The following NEK1 variants were observed in gnomAD, a reference collection of about 807,000 sequenced individuals.
The protein encoded by NEK1 is serine/threonine-protein kinase Nek1.
Under a neutral mutation model 182.1 loss-of-function variants are expected in NEK1, and 137 were observed. That is an observed-to-expected ratio of 0.75 (90% CI 0.65 to 0.87). NEK1 has a LOEUF of 0.87. NEK1 is among the 40% of genes least tolerant of loss of function. NEK1 has a pLI of 0.00. For missense variants in NEK1, 1,391 were observed against 1,494.4 expected, an observed-to-expected ratio of 0.93 and a Z score of 1.14; for synonymous variants, 513 against 492.2, an observed-to-expected ratio of 1.04 and a Z score of -0.56.
intron 23 of NEK1, among the ~76,000 whole-genome samples, chr4:169,483,933 T>C (rs1748586324): frequency 6.6e-6 from 1 of 151,996 alleles, no homozygotes; most frequent in Admixed American, 6.6e-5. Flanking sequence ...CTAACAGTAT[T>C]ATCACCTTGA....
chr4:169,448,709 C>T (rs1463749182), intron 27 of NEK1, among the ~76,000 whole-genome samples: 1 of 152,198 alleles, frequency 6.6e-6, no homozygotes, highest in Admixed American at 6.5e-5. Context: ...GGAATAGGAA[C>T]AGCTCCAGTC....
chr4:169,436,297 C>G (rs534469006), intron 28 of NEK1, among the ~76,000 whole-genome samples: 1 of 152,302 alleles, frequency 6.6e-6, no homozygotes, highest in East Asian at 1.9e-4. Flanking sequence ...AAGCAAGGAG[C>G]TGATGTAAAA....
chr4:169,487,759 A>C (rs1418039642), intron 23 of NEK1, among the ~76,000 whole-genome samples: 1 of 152,212 alleles, frequency 6.6e-6, no homozygotes, highest in Non-Finnish European at 1.5e-5. Context: ...AAAATGGCTA[A>C]ACTAATTTAC....
chr4:169,595,639 C>T (rs1373900415), intron 5 of NEK1, among the ~76,000 whole-genome samples: 1 of 152,022 alleles, frequency 6.6e-6, no homozygotes, highest in Non-Finnish European at 1.5e-5. Context: ...ATATGTGGAA[C>T]CAGGCTGGGC....
intron 18 of NEK1, among the ~76,000 whole-genome samples, chr4:169,553,721 T>C (rs148365684): frequency 4.5e-4 from 69 of 152,308 alleles, no homozygotes; most frequent in African/African-American, 1.5e-3. Context: ...TCAAGAAAGA[T>C]ATACAGATGG....
chr4:169,439,729 T>C (rs1739074894), intron 27 of NEK1, among the ~76,000 whole-genome samples: 1 of 151,866 alleles, frequency 6.6e-6, no homozygotes, highest in African/African-American at 2.4e-5. Context: ...ATCTAATATC[T>C]CAAGGAAGAA....
intron 16 of NEK1, among the ~76,000 whole-genome samples, chr4:169,558,349 A>T (rs1762438317): frequency 6.6e-6 from 1 of 152,240 alleles, no homozygotes; most frequent in African/African-American, 2.4e-5. Context: ...CTGAATTCTG[A>T]CAAATGTAGA....
At chr4:169,503,085 A>G (rs1331953304) in intron 23 of NEK1, among the ~76,000 whole-genome samples, 1 of 152,104 alleles carries the variant, frequency 6.6e-6, no homozygotes, top group Non-Finnish European at 1.5e-5. Flanking sequence ...CTCCAATACC[A>G]TTCAAGCTGA....
intron 23 of NEK1, among the ~76,000 whole-genome samples, chr4:169,481,987 G>A (rs1748119399): frequency 6.6e-6 from 1 of 152,176 alleles, no homozygotes; most frequent in Non-Finnish European, 1.5e-5. Context: ...CTTTATCAAT[G>A]ATCTTAGCTA....
chr4:169,610,985 A>T (rs1286669556), intron 2 of NEK1, among the ~76,000 whole-genome samples: 1 of 152,240 alleles, frequency 6.6e-6, no homozygotes, highest in South Asian at 2.1e-4. Flanking sequence ...AGAAAGCAAA[A>T]ATGGAATTTC....
intron 26 of NEK1, among the ~76,000 whole-genome samples, chr4:169,472,218 C>T (rs1168381212): frequency 6.6e-6 from 1 of 152,112 alleles, no homozygotes; most frequent in Non-Finnish European, 1.5e-5. Context: ...GGTGTCTCCC[C>T]AAACGGCCAT....
intron 11 of NEK1, 117 bp downstream of exon 11, chr4:169,580,725 C>T: frequency 1.5e-6 from 1 of 664,176 alleles, no homozygotes; most frequent in South Asian, 1.9e-5. Flanking sequence ...GGTGCATTTT[C>T]TCTGGATTAA....
chr4:169,478,308 A>G (rs1375911739), intron 24 of NEK1: 1 of 152,134 alleles, frequency 6.6e-6, no homozygotes. Context: ...TTTGGTGGTC[A>G]GTTTCAAAGT....
chr4:169,457,886 G>A (rs76311664), intron 27 of NEK1, among the ~76,000 whole-genome samples: 4,754 of 152,012 alleles, frequency 0.031, 192 homozygotes, highest in African/African-American at 0.088. Context: ...ATACTATGAT[G>A]AAGACTACAA....
chr4:169,589,929 A>G (rs575801570), intron 6 of NEK1, among the ~76,000 whole-genome samples: 2 of 152,320 alleles, frequency 1.3e-5, no homozygotes, highest in East Asian at 1.9e-4. Context: ...TACAAATCAT[A>G]TATTTGAGAA....
chr4:169,577,095 C>T lies in NEK1; in HGVS notation c.869-16G>A. ...GGTCTTTTAGCTAGATGAAAAGATA[C>T]AAAGAATTTTGTCTGCAGTTCTTTA... On this transcript the variant is annotated splice_polypyrimidine_tract_variant and intron_variant, in intron 11 of 35. Coordinates refer to ENST00000507142, the MANE Select transcript of NEK1 (RefSeq NM_001199397.3). The T allele has an allele frequency of 6.2e-7, 1 of 1,612,698 alleles. No individual in the cohort carries two copies. Among genetic ancestry groups the T allele is most frequent in the Non-Finnish European group, 8.5e-7 (1 of 1,179,402 alleles).
Position 169,585,405 on chromosome 4 carries a change from A to T in NEK1, c.751T>A (p.Ser251Thr), listed in dbSNP as rs748114911. Residue 251 changes from serine to threonine, a missense_variant, in exon 10 of 36, where the codon TCC (serine) becomes ACC (threonine). Around this residue, in one of 5 missense-constraint regions of NEK1, gnomAD observed 1,216 missense variants for 1,277.6 expected, o/e 0.95. Coordinates refer to ENST00000507142, the MANE Select transcript of NEK1 (RefSeq NM_001199397.3). The stretch of plus-strand genomic sequence containing the variant: ...GCTATAAAACCTTTCTCCAATATGG[A>T]GTTGACTGATGGTCTATCCCTAGGA... Reference protein sequence around the residue: ...RNPRDRPSVNSILEKGFIAKR... With the variant: ...RNPRDRPSVNTILEKGFIAKR... 1 of 1,613,780 alleles carries T rather than the reference A, an allele frequency of 6.2e-7. No individual in the cohort carries two copies. The highest frequency in any genetic ancestry group is 8.5e-7 in the Non-Finnish European group (1 of 1,179,740).
intron 23 of NEK1, among the ~76,000 whole-genome samples, chr4:169,490,655 G>T (rs1339020192): frequency 6.6e-6 from 1 of 151,788 alleles, no homozygotes; most frequent in Non-Finnish European, 1.5e-5. Context: ...AGAAATCTTG[G>T]GGCTGAAGAA....
chr4:169,469,009 T>C (rs1745442212), intron 26 of NEK1, among the ~76,000 whole-genome samples: 1 of 152,154 alleles, frequency 6.6e-6, no homozygotes, highest in African/African-American at 2.4e-5. Context: ...TCTTCTTTTC[T>C]TCTTTATTAG....
Sources: gnomAD v4.1 joint callset for allele counts (sites outside exome capture counted in the v4.1 genomes callset) on GRCh38, gnomAD v4.1.1 for gene constraint, gnomAD v4.1.1 regional missense constraint, MANE v1.5 for transcripts, NCBI Gene and HGNC (gene_info 2026-07-23, HGNC 2026-07-21) for gene names.